Variants in RDX observed in about 807,000 individuals in gnomAD.
RDX encodes radixin, also known as deafness, autosomal recessive 24.
RDX carries 32 observed loss-of-function variants against 83.7 expected under a neutral mutation model. That is an observed-to-expected ratio of 0.38 (90% CI 0.29 to 0.51). The LOEUF (loss-of-function observed/expected upper bound fraction) is 0.51, where lower values mean the gene tolerates loss of function less well. RDX is among the 20% of genes least tolerant of loss of function. The probability of loss-of-function intolerance (pLI) is 0.87; values close to 1 mark genes in which losing one functional copy is unlikely to be tolerated. For missense variants in RDX, 600 were observed against 689.9 expected (o/e 0.87, Z 1.46); for synonymous variants, 229 against 222.7 (o/e 1.03, Z -0.25).
intron 10 of RDX, among the ~76,000 whole-genome samples, chr11:110,239,503 C>G (rs931453998): frequency 1.3e-5 from 2 of 152,124 alleles, no homozygotes; most frequent in African/African-American, 4.8e-5. Flanking sequence ...CAAATAATCT[C>G]GTTTACAAAT....
intron 10 of RDX, 58 bp downstream of exon 10, chr11:110,247,645 C>T (rs533833220): frequency 2.1e-4 from 333 of 1,570,560 alleles, no homozygotes; most frequent in Non-Finnish European, 2.7e-4. Flanking sequence ...AAAAATACCA[C>T]TATCTGACAA....
intron 15 of RDX, among the ~76,000 whole-genome samples, chr11:110,185,954 G>T (rs1412381449): frequency 1.3e-5 from 2 of 152,192 alleles, no homozygotes; most frequent in Non-Finnish European, 2.9e-5. Flanking sequence ...CCAGGGAAAG[G>T]GTATGGTGCT....
At chr11:110,188,527 G>A (rs1422135043) in intron 15 of RDX, among the ~76,000 whole-genome samples, 1 of 152,024 alleles carries the variant, frequency 6.6e-6, no homozygotes, top group Non-Finnish European at 1.5e-5. Flanking sequence ...GGAGGGGGGT[G>A]AGGGATAAAA....
At chr11:110,278,275 T>G (rs770028067) in intron 2 of RDX, among the ~76,000 whole-genome samples, 10 of 152,178 alleles carry the variant, frequency 6.6e-5, no homozygotes, top group Admixed American at 2.0e-4. Flanking sequence ...TTTTGGCATA[T>G]CCATATATTA....
chr11:110,227,242 T>A (rs1046024774), downstream of RDX, among the ~76,000 whole-genome samples: 11 of 152,086 alleles, frequency 7.2e-5, no homozygotes, highest in African/African-American at 2.2e-4. Context: ...GAATTTCATA[T>A]AATAAATCCA....
intron 11 of RDX, chr11:110,236,392 A>T: frequency 1.9e-6 from 1 of 532,576 alleles, no homozygotes; most frequent in Non-Finnish European, 3.3e-6. Context: ...CAAAATTAAA[A>T]AATTACTATT....
At position 110,291,741 on chromosome 11, in the gene RDX, T is replaced by C. The variant is rs115990249; in HGVS notation, c.-65+4726A>G. Among the ~76,000 whole-genome samples, 176 of 152,234 alleles carry C rather than the reference T, an allele frequency of 1.2e-3. 1 individual carries two copies. Among genetic ancestry groups the C allele is most frequent in the Middle Eastern group, 6.8e-3 (2 of 294 alleles). On this transcript the variant is annotated intron_variant, in intron 1 of 13. Coordinates refer to ENST00000645495, the MANE Select transcript of RDX (RefSeq NM_002906.4). ...AAGGGCTGTCTTAGTATGAAGTTAATAGGGAAAATCACAGGGAAGAGAGTT... is the reference window on the plus strand; with the variant it reads ...AAGGGCTGTCTTAGTATGAAGTTAACAGGGAAAATCACAGGGAAGAGAGTT...
intron 7 of RDX, among the ~76,000 whole-genome samples, chr11:110,256,102 T>C (rs1237748075): frequency 6.6e-6 from 1 of 152,188 alleles, no homozygotes; most frequent in African/African-American, 2.4e-5. Context: ...TTCATGTATT[T>C]TACTGTTTCA....
At chr11:110,284,687 AT>A (rs921327261) in intron 1 of RDX, among the ~76,000 whole-genome samples, 9 of 150,914 alleles carry the variant, frequency 6.0e-5, no homozygotes, top group Non-Finnish European at 8.9e-5. Flanking sequence ...CACCCGGCTA[AT>A]TTTTTTTTGT....
intron 10 of RDX, among the ~76,000 whole-genome samples, chr11:110,244,705 A>C (rs1865239328): frequency 6.6e-6 from 1 of 152,208 alleles, no homozygotes; most frequent in South Asian, 2.1e-4. Context: ...TCAAATGGGT[A>C]ATTACATGGT....
intron 1 of RDX, among the ~76,000 whole-genome samples, chr11:110,280,278 C>G (rs1358427430): frequency 6.6e-6 from 1 of 151,780 alleles, no homozygotes; most frequent in African/African-American, 2.4e-5. Flanking sequence ...GGGTCTCATT[C>G]TGACATTCAG....
At chr11:110,243,272 C>T (rs1865172488) in intron 10 of RDX, among the ~76,000 whole-genome samples, 1 of 151,980 alleles carries the variant, frequency 6.6e-6, no homozygotes, top group Admixed American at 6.6e-5. Context: ...ACTGTGGTCC[C>T]CAAGTATTTA....
chr11:110,184,425 G>A (rs564891244), intron 15 of RDX, among the ~76,000 whole-genome samples: 2 of 152,212 alleles, frequency 1.3e-5, no homozygotes, highest in East Asian at 3.9e-4. Flanking sequence ...CCAGGTCCCT[G>A]AGGGACTGTG....
chr11:110,294,114 C>T (rs528801918), intron 1 of RDX, among the ~76,000 whole-genome samples: 1 of 152,248 alleles, frequency 6.6e-6, no homozygotes, highest in South Asian at 2.1e-4. Flanking sequence ...CCAATTCTGG[C>T]CGGGCGCAGC....
At chr11:110,269,713 T>C (rs1342615855) in intron 3 of RDX, among the ~76,000 whole-genome samples, 2 of 152,144 alleles carry the variant, frequency 1.3e-5, no homozygotes, top group African/African-American at 4.8e-5. Context: ...AAAGAACTGC[T>C]GAGAAGAGTC....
At chr11:110,288,473 G>T (rs1861075685) in intron 1 of RDX, 1 of 152,120 alleles carries the variant, frequency 6.6e-6, no homozygotes, top group Admixed American at 6.6e-5. Context: ...GTTTAGAAAT[G>T]GGAAAACAGG....
intron 1 of RDX, among the ~76,000 whole-genome samples, 176 bp downstream of exon 1, chr11:110,296,289 CGG>C (rs1463834160): frequency 6.6e-6 from 1 of 150,878 alleles, no homozygotes; most frequent in Non-Finnish European, 1.5e-5. Flanking sequence ...GGAGCCTGGC[CGG>C]CCGGGCCGTT....
chr11:110,203,276 GT>G (rs1169482795), intron 14 of RDX, among the ~76,000 whole-genome samples: 1 of 152,022 alleles, frequency 6.6e-6, no homozygotes, highest in Non-Finnish European at 1.5e-5. Flanking sequence ...GACAAAAATT[GT>G]ATGTTCTCAC....
At position 110,257,833 on chromosome 11, in the gene RDX, T is replaced by C. The variant is rs768543778; in HGVS notation, c.632A>G (p.Lys211Arg). 1.9e-6 allele frequency: 3 copies of C among 1,612,808 alleles called. No individual in the cohort carries two copies. Among genetic ancestry groups the C allele is most frequent in the African/African-American group, 1.3e-5 (1 of 74,894 alleles). The change falls in exon 7 of 14, where the codon AAA (lysine) becomes AGA (arginine). Residue 211 changes from lysine (K) to arginine (R), a missense_variant. Coordinates refer to ENST00000645495, the MANE Select transcript of RDX (RefSeq NM_002906.4). ...ACCTAGCCACAATTCAGTTCCTTTT[T>C]TATTTTTTATTTCAAAATAGTTGAC... The part of the protein sequence containing the change: ...YGVNYFEIKN[K>R]KGTELWLGVD...
Sources: gnomAD v4.1 joint callset for allele counts (sites outside exome capture counted in the v4.1 genomes callset) on GRCh38, gnomAD v4.1.1 for gene constraint, MANE v1.5 for transcripts, NCBI Gene and HGNC (gene_info 2026-07-23, HGNC 2026-07-21) for gene names.